The following ZNF133 variants were observed in gnomAD, a reference collection of about 807,000 sequenced individuals.
The protein encoded by ZNF133 is zinc finger protein 133.
ZNF133 carries 26 observed loss-of-function variants against 54.9 expected under a neutral mutation model. The ratio of observed to expected loss-of-function variants is 0.47; its 90% confidence interval spans 0.35 to 0.66. ZNF133 has a LOEUF of 0.66. Among genes scored for constraint, ZNF133 ranks in the 30% least tolerant of loss-of-function variants. The pLI, the probability that ZNF133 is intolerant of heterozygous loss-of-function variation, is 0.01. For synonymous variants in ZNF133, 298 were observed against 320.3 expected, an observed-to-expected ratio of 0.93 and a Z score of 0.74; for missense variants, 653 against 820.8, an observed-to-expected ratio of 0.80 and a Z score of 2.50.
chr20:18,296,870 A>G (rs2147068361), intron 1 of ZNF133, among the ~76,000 whole-genome samples: 1 of 152,296 alleles, frequency 6.6e-6, no homozygotes, highest in East Asian at 1.9e-4. Flanking sequence ...ACCACATTTT[A>G]CATTCCCACC....
At chr20:18,308,224 C>T (rs2147575255) in intron 6 of ZNF133, among the ~76,000 whole-genome samples, 1 of 152,234 alleles carries the variant, frequency 6.6e-6, no homozygotes, top group Middle Eastern at 3.4e-3. Flanking sequence ...ATTCTTTTGA[C>T]AGTTTTATAA....
At position 18,315,088 on chromosome 20, in the gene ZNF133, C is replaced by T; in HGVS notation, c.237C>T (p.Leu79=). 1 of 1,540,882 alleles carries T rather than the reference C, an allele frequency of 6.5e-7. No homozygotes were observed. Among genetic ancestry groups the T allele is most frequent in the South Asian group, 1.3e-5 (1 of 77,756 alleles). ...ATCPADPEPE[L]YLDPFCPPGF... ...CTGCAGCAGATCCAGAGCCAGAGCT[C>T]TACCTCGATCCTTTCTGCCCTCCGG... Residue 79 remains leucine, a synonymous_variant, in exon 7 of 7, where the codon CTC becomes CTT. Transcript: ENST00000425686.
chr20:18,294,574 T>G (rs2041830216), intron 1 of ZNF133, among the ~76,000 whole-genome samples: 1 of 152,136 alleles, frequency 6.6e-6, no homozygotes, highest in African/African-American at 2.4e-5. Flanking sequence ...GTATGGGAAT[T>G]GATATTTGTG....
At chr20:18,291,995 G>A (rs1216497249) in intron 1 of ZNF133, among the ~76,000 whole-genome samples, 1 of 152,172 alleles carries the variant, frequency 6.6e-6, no homozygotes, top group Non-Finnish European at 1.5e-5. Flanking sequence ...TGGAGCAGAA[G>A]CATTTCAGCT....
chr20:18,313,090 C>G (rs1318667898), intron 6 of ZNF133: 1 of 152,152 alleles, frequency 6.6e-6, no homozygotes, highest in Non-Finnish European at 1.5e-5. Context: ...ATAAACCTAT[C>G]AGTGCAGGAG....
intron 3 of ZNF133, among the ~76,000 whole-genome samples, chr20:18,302,429 C>G (rs947185473): frequency 6.7e-6 from 1 of 148,838 alleles, no homozygotes; most frequent in Non-Finnish European, 1.5e-5. Context: ...AAAATCAATG[C>G]ATATAAAATA....
At chr20:18,299,461 T>C (rs1473836909) in intron 3 of ZNF133, among the ~76,000 whole-genome samples, 2 of 152,152 alleles carry the variant, frequency 1.3e-5, no homozygotes, top group Non-Finnish European at 2.9e-5. Flanking sequence ...TACTATCAAG[T>C]GGATCAACTA....
chr20:18,306,613 CTTT>C lies in ZNF133; in HGVS notation c.217+224_217+226del. The C allele has an allele frequency of 3.0e-6, 3 of 996,378 alleles. No individual in the cohort carries two copies. The Middle Eastern group carries it at 6.7e-4, about 224-fold the overall frequency. 61.7% of individuals were successfully genotyped at this position (996,378 alleles called of 1,614,324 possible). A position where few individuals can be genotyped will look rare whatever the true frequency, so the allele number is the denominator to read the frequency against. On this transcript the variant is annotated intron_variant, in intron 6 of 6. Transcript: ENST00000425686. ...TCGTCTCCTTCCTCCACTAGGAAGC[CTTT>C]TTTCCTCCCAGTGGGTTTCTCCTCT...
chr20:18,306,499 C>T (rs73253794), intron 6 of ZNF133, 106 bp downstream of exon 6: 2 of 1,144,136 alleles, frequency 1.7e-6, no homozygotes, highest in East Asian at 2.6e-5. Flanking sequence ...GTTCCCCTGA[C>T]CTCCTGGGCT....
intron 3 of ZNF133, among the ~76,000 whole-genome samples, chr20:18,300,056 T>C (rs889341102): frequency 6.6e-6 from 1 of 152,220 alleles, no homozygotes. Context: ...TATAAGCTAG[T>C]ATTACTGTAA....
intron 3 of ZNF133, among the ~76,000 whole-genome samples, chr20:18,302,380 G>A (rs942598225): frequency 1.4e-4 from 21 of 148,592 alleles, no homozygotes; most frequent in Non-Finnish European, 2.7e-4. Context: ...TCCAGCCTGG[G>A]TGACAAGAGC....
In ZNF133 at chr20:18,316,273, C is replaced by T; in HGVS notation, c.1422C>T (p.Gly474=). 1.9e-6 allele frequency: 3 copies of T among 1,612,272 alleles called. No homozygotes were observed. The South Asian group carries it at 3.3e-5, about 18-fold the overall frequency. ...KPIVCKDCGR[G]FSQQSNLIRH... is the part of the protein sequence containing the mutation. ...TTGTGTGCAAGGACTGTGGCCGGGG[C>T]TTCAGCCAGCAATCCAACCTCATCA... is the stretch of plus-strand genomic sequence containing the variant. Residue 474 remains glycine (G), a synonymous_variant, in exon 7 of 7, where the codon GGC becomes GGT. Coordinates refer to ENST00000425686, the MANE Select transcript of ZNF133 (RefSeq NM_001352452.2).
chr20:18,290,189 C>T (rs765167035), intron 1 of ZNF133: 3 of 152,250 alleles, frequency 2.0e-5, no homozygotes, highest in Admixed American at 6.5e-5. Flanking sequence ...CTGGTTCCTT[C>T]AGGAAACTAG....
In ZNF133 at chr20:18,316,747, C is replaced by A. The variant is rs2047603871; in HGVS notation, c.1896C>A (p.His632Gln). The change falls in exon 7 of 7, where the codon CAC becomes CAA. Residue 632 changes from histidine (H) to glutamine (Q), a missense_variant. This residue lies in a region of ZNF133 where 129 missense variants were observed against 138.5 expected (regional missense o/e 0.93). Transcript: ENST00000425686. ...ACAGGAAGACCACGTCTGTCCACCA[C>A]AGACTGCCAGTGCAGCCCGACCCTG... Reference protein sequence around the residue: ...SRHRKTTSVHHRLPVQPDPEP... With the variant: ...SRHRKTTSVHQRLPVQPDPEP... 1 of 1,614,114 alleles carries A rather than the reference C, an allele frequency of 6.2e-7. No homozygotes were observed. Among genetic ancestry groups the A allele is most frequent in the Non-Finnish European group, 8.5e-7 (1 of 1,180,046 alleles).
chr20:18,299,154 C>G (rs1263314173), intron 3 of ZNF133, among the ~76,000 whole-genome samples: 1 of 151,930 alleles, frequency 6.6e-6, no homozygotes, highest in Non-Finnish European at 1.5e-5. Flanking sequence ...ACTTACTAAA[C>G]AAAGACTTTA....
chr20:18,296,400 T>C (rs1370572740), intron 1 of ZNF133, among the ~76,000 whole-genome samples: 1 of 152,096 alleles, frequency 6.6e-6, no homozygotes, highest in Non-Finnish European at 1.5e-5. Context: ...TCTCCAGAAA[T>C]ATTTTCATCT....
At chr20:18,314,941 T>C (rs1156724595) in intron 6 of ZNF133, 128 bp from the exon 7 acceptor site, 6 of 863,628 alleles carry the variant, frequency 6.9e-6, no homozygotes, top group Admixed American at 2.8e-5. Context: ...GAGTAGGCCA[T>C]GTAAAGGAAG....
intron 1 of ZNF133, among the ~76,000 whole-genome samples, chr20:18,290,388 T>A (rs1244656050): frequency 2.6e-5 from 4 of 152,218 alleles, no homozygotes; most frequent in African/African-American, 9.7e-5. Context: ...TCTCACTTAC[T>A]CTTTTCCCTG....
chr20:18,306,448 G>A lies in ZNF133; in HGVS notation c.217+55G>A. 3.2e-6 allele frequency: 5 copies of A among 1,554,802 alleles called. No homozygotes were observed. The South Asian group carries it at 4.6e-5, about 14-fold the overall frequency. On this transcript the variant is annotated intron_variant, in intron 6 of 6. Transcript: ENST00000425686. ...CATGAGCTCAGCAGCTCAGAGGACT[G>A]GGGGAGAGGAGGCGTTGCTCAGGTG...
Sources: gnomAD v4.1 joint callset for allele counts (sites outside exome capture counted in the v4.1 genomes callset) on GRCh38, gnomAD v4.1.1 for gene constraint, gnomAD v4.1.1 regional missense constraint, MANE v1.5 for transcripts, NCBI Gene and HGNC (gene_info 2026-07-23, HGNC 2026-07-21) for gene names.